Variants in LRRC15 observed in about 807,000 individuals in gnomAD.
LRRC15 encodes the protein leucine-rich repeat-containing protein 15.
A neutral mutation model predicts 4.3 loss-of-function variants in LRRC15; 5 were observed. The ratio of observed to expected loss-of-function variants is 1.16; its 90% CI spans 0.61 to 2.44. The LOEUF (loss-of-function observed/expected upper bound fraction) is 2.44, where lower values mean the gene tolerates loss of function less well. Among genes scored for constraint, LRRC15 ranks in the 30% most tolerant of loss-of-function variants. The probability of loss-of-function intolerance (pLI) is 0.01; values close to 1 mark genes in which losing one functional copy is unlikely to be tolerated. For missense variants in LRRC15, 769 were observed against 747.0 expected, an observed-to-expected ratio of 1.03 and a Z score of -0.34; for synonymous variants, 337 against 323.2, an observed-to-expected ratio of 1.04 and a Z score of -0.46.
Position 194,357,510 on chromosome 3 carries a change from A to T in LRRC15, c.*1788T>A, listed in dbSNP as rs1039270697. The T allele has an allele frequency of 3.3e-5, 5 of 152,210 alleles. No individual in the cohort carries two copies. The highest frequency in any genetic ancestry group is 1.2e-4 in the African/African-American group (5 of 41,450). The allele number at this position is 152,210 out of a possible 1,614,324, so 9.4% of individuals were successfully genotyped here. On this transcript the variant is annotated 3_prime_UTR_variant, in exon 2 of 2. Transcript: ENST00000347624. ...CTGGGCCAGTTGTCCAGAGAAAGACACACGTTGCCATGAGCCTAACTTCTT... is the reference window on the plus strand; with the variant it reads ...CTGGGCCAGTTGTCCAGAGAAAGACTCACGTTGCCATGAGCCTAACTTCTT...
chr3:194,361,248 A>G (rs559695402), intron 1 of LRRC15, among the ~76,000 whole-genome samples: 1 of 152,306 alleles, frequency 6.6e-6, no homozygotes, highest in East Asian at 1.9e-4. Context: ...TGCCCAGGCA[A>G]TTCTCCCTAC....
In LRRC15 at chr3:194,360,399, G is replaced by T; in HGVS notation, c.645C>A (p.Gly215=). The change falls in exon 2 of 2, where the codon GGC becomes GGA. Residue 215 remains glycine (G), a synonymous_variant. Coordinates refer to ENST00000347624, the MANE Select transcript of LRRC15 (RefSeq NM_130830.5). ...GCAGGTTAACAAGCCCATCAAAAGTGCCCATGGGGATATCCGTGAGCCTGT... is the reference window on the plus strand; with the variant it reads ...GCAGGTTAACAAGCCCATCAAAAGTTCCCATGGGGATATCCGTGAGCCTGT... ...YENRLTDIPM[G]TFDGLVNLQE... 5 of 1,614,178 alleles carry T rather than the reference G, an allele frequency of 3.1e-6. No individual in the cohort carries two copies. The highest frequency in any genetic ancestry group is 4.2e-6 in the Non-Finnish European group (5 of 1,180,038).
chr3:194,360,141 A>G lies in LRRC15; in HGVS notation c.903T>C (p.Tyr301=), dbSNP rs775821965. ...PMPNLRELWL[Y]DNHISSLPDN... is the part of the protein sequence containing the mutation. ...CGGGTAGAGAAGAGATGTGGTTGTC[A>G]TAGAGCCAAAGCTCCCGCAGGTTGG... The change falls in exon 2 of 2, where the codon TAT becomes TAC. Residue 301 remains tyrosine, a synonymous_variant. Coordinates refer to ENST00000347624, the MANE Select transcript of LRRC15 (RefSeq NM_130830.5). 2.5e-6 allele frequency: 4 copies of G among 1,614,242 alleles called. No individual in the cohort carries two copies. The highest frequency in any genetic ancestry group is 3.4e-6 in the Non-Finnish European group (4 of 1,180,052).
intron 1 of LRRC15, among the ~76,000 whole-genome samples, chr3:194,365,305 C>T (rs1713744461): frequency 6.6e-6 from 1 of 152,236 alleles, no homozygotes; most frequent in African/African-American, 2.4e-5. Flanking sequence ...CGAACCAGGG[C>T]TCTCGGCTTT....
rs1713447026 is a variant in LRRC15, at chr3:194,356,997, G to C, written c.*2301C>G. ...CCTGTTGGCTCTGGCAAGCCTTGGT[G>C]CATGTCCTCCAGGTGCCACCAATAG... On this transcript the variant is annotated 3_prime_UTR_variant, in exon 2 of 2. Coordinates refer to ENST00000347624, the MANE Select transcript of LRRC15 (RefSeq NM_130830.5). The C allele has an allele frequency of 6.6e-6, 1 of 152,310 alleles. No homozygotes were observed. The highest frequency in any genetic ancestry group is 1.5e-5 in the Non-Finnish European group (1 of 68,092). 9.4% of individuals were successfully genotyped at this position (152,310 alleles called of 1,614,324 possible).
At chr3:194,363,686 C>T (rs1713700233) in intron 1 of LRRC15, among the ~76,000 whole-genome samples, 1 of 152,194 alleles carries the variant, frequency 6.6e-6, no homozygotes, top group African/African-American at 2.4e-5. Context: ...ACCTGTAATG[C>T]TGGGCTCAGT....
rs554543569 is a variant in LRRC15, at chr3:194,368,288, C to T, written c.-4+1373G>A. On this transcript the variant is annotated intron_variant, in intron 1 of 1. Transcript: ENST00000347624. Reference sequence around the variant, plus strand: ...CTCCTCCCCCACCCCTTATTCTCCACGGCTGGATCTATTCTACCTCGCCTC... The same window carrying T: ...CTCCTCCCCCACCCCTTATTCTCCATGGCTGGATCTATTCTACCTCGCCTC... Among the ~76,000 whole-genome samples the T allele has an allele frequency of 1.8e-4, 27 of 152,274 alleles. 1 individual carries two copies. In the South Asian group the frequency reaches 2.3e-3, roughly 13 times the overall value.
rs1454178969 is a variant in LRRC15, at chr3:194,360,155, C to G, written c.889G>C (p.Glu297Gln). 1 of 1,613,766 alleles carries G rather than the reference C, an allele frequency of 6.2e-7. No homozygotes were observed. The highest frequency in any genetic ancestry group is 2.2e-5 in the East Asian group (1 of 44,872). The change falls in exon 2 of 2, where the codon GAG becomes CAG. Residue 297 changes from glutamate (E) to glutamine (Q), a missense_variant. Coordinates refer to ENST00000347624, the MANE Select transcript of LRRC15 (RefSeq NM_130830.5). ...GIFGPMPNLR[E>Q]LWLYDNHISS... ...ATGTGGTTGTCATAGAGCCAAAGCT[C>G]CCGCAGGTTGGGCATGGGCCCGAAG...
chr3:194,360,131 T>A lies in LRRC15; in HGVS notation c.913A>T (p.Ile305Phe), dbSNP rs757623221. The change falls in exon 2 of 2, where the codon ATC becomes TTC. Residue 305 changes from isoleucine (I) to phenylalanine (F), a missense_variant. Coordinates refer to ENST00000347624, the MANE Select transcript of LRRC15 (RefSeq NM_130830.5). Reference sequence around the variant, plus strand: ...AAGACATTGTCGGGTAGAGAAGAGATGTGGTTGTCATAGAGCCAAAGCTCC... The same window carrying A: ...AAGACATTGTCGGGTAGAGAAGAGAAGTGGTTGTCATAGAGCCAAAGCTCC... The part of the protein sequence containing the change: ...LRELWLYDNH[I>F]SSLPDNVFSN... 1.2e-5 allele frequency: 19 copies of A among 1,613,986 alleles called. No individual in the cohort carries two copies. In the African/African-American group the frequency reaches 2.4e-4, roughly 20 times the overall value.
In LRRC15 at chr3:194,359,871, G is replaced by A. The variant is rs1411203660; in HGVS notation, c.1173C>T (p.Leu391=). The change falls in exon 2 of 2, where the codon CTC becomes CTT. Residue 391 remains leucine (L), a synonymous_variant. Transcript: ENST00000347624. ...PGNIFANVNG[L]MAIQLQNNQL... Reference sequence around the variant, plus strand: ...GGTTGTTCTGCAGCTGGATGGCCATGAGGCCATTGACGTTGGCGAAGATAT... The same window carrying A: ...GGTTGTTCTGCAGCTGGATGGCCATAAGGCCATTGACGTTGGCGAAGATAT... 1 of 1,614,134 alleles carries A rather than the reference G, an allele frequency of 6.2e-7. No individual in the cohort carries two copies. Among genetic ancestry groups the A allele is most frequent in the Non-Finnish European group, 8.5e-7 (1 of 1,180,018 alleles).
At chr3:194,367,625 G>A (rs1713819558) in intron 1 of LRRC15, among the ~76,000 whole-genome samples, 1 of 152,192 alleles carries the variant, frequency 6.6e-6, no homozygotes, top group African/African-American at 2.4e-5. Context: ...ATTTGAAACT[G>A]GGACAGCTGC....
At position 194,362,126 on chromosome 3, in the gene LRRC15, C is replaced by CTGTGTGTGTGTGTGTG. The variant is rs151091397; in HGVS notation, c.-3-1081_-3-1080insCACACACACACACACA. 9.1e-4 allele frequency among the ~76,000 whole-genome samples: 138 copies of CTGTGTGTGTGTGTGTG among 151,580 alleles called. 2 individuals are homozygous for CTGTGTGTGTGTGTGTG. The highest frequency in any genetic ancestry group is 3.1e-3 in the African/African-American group (129 of 41,200). ...TCACTGATGACAATGACATATATAA[C>CTGTGTGTGTGTGTGTG]TGTGTGTGTGTATGTGTGTGTGTGT... On this transcript the variant is annotated intron_variant, in intron 1 of 1. Transcript: ENST00000347624.
intron 1 of LRRC15, among the ~76,000 whole-genome samples, chr3:194,364,317 C>T (rs1335166754): frequency 1.3e-5 from 2 of 152,160 alleles, no homozygotes; most frequent in East Asian, 1.9e-4. Flanking sequence ...TGTAAGTGTA[C>T]GTGAGATATT....
intron 1 of LRRC15, among the ~76,000 whole-genome samples, chr3:194,368,971 C>T (rs1032188965): frequency 3.3e-5 from 5 of 152,256 alleles, no homozygotes; most frequent in African/African-American, 1.2e-4. Context: ...GCCGACGCTT[C>T]CAGCAGGAGA....
At chr3:194,365,726 C>T (rs566144700) in intron 1 of LRRC15, among the ~76,000 whole-genome samples, 30 of 152,276 alleles carry the variant, frequency 2.0e-4, no homozygotes, top group African/African-American at 7.0e-4. Context: ...CCGCCCGGCC[C>T]GGCTCCAGCT....
Position 194,359,771 on chromosome 3 carries a change from A to G in LRRC15, c.1273T>C (p.Trp425Arg). The G allele has an allele frequency of 6.2e-7, 1 of 1,614,168 alleles. No individual in the cohort carries two copies. Among genetic ancestry groups the G allele is most frequent in the East Asian group, 2.2e-5 (1 of 44,890 alleles). ...LCELRLYDNP[W>R]RCDSDILPLR... is the part of the protein sequence containing the mutation. Reference sequence around the variant, plus strand: ...GGAAGGATGTCTGAGTCACACCTCCAGGGATTGTCATACAGCCGCAGCTCA... The same window carrying G: ...GGAAGGATGTCTGAGTCACACCTCCGGGGATTGTCATACAGCCGCAGCTCA... Residue 425 changes from tryptophan (W) to arginine (R), a missense_variant, in exon 2 of 2, where the codon TGG becomes CGG. Coordinates refer to ENST00000347624, the MANE Select transcript of LRRC15 (RefSeq NM_130830.5).
chr3:194,360,550 G>A lies in LRRC15; in HGVS notation c.494C>T (p.Pro165Leu), dbSNP rs1228590463. Residue 165 changes from proline to leucine, a missense_variant, in exon 2 of 2, where the codon CCT (proline) becomes CTT (leucine). Pro to Leu is a moderately conservative substitution (Grantham distance 98, BLOSUM62 -3). Coordinates refer to ENST00000347624, the MANE Select transcript of LRRC15 (RefSeq NM_130830.5). ...TACCAGGTGGTCGAAGGCTCCGTCAGGGATGTATTCCAGGTGGTTGCCGTG... is the reference window on the plus strand; with the variant it reads ...TACCAGGTGGTCGAAGGCTCCGTCAAGGATGTATTCCAGGTGGTTGCCGTG... The part of the protein sequence containing the change: ...QLHGNHLEYI[P>L]DGAFDHLVGL... The A allele has an allele frequency of 6.2e-7, 1 of 1,614,160 alleles. No individual in the cohort carries two copies. Among genetic ancestry groups the A allele is most frequent in the Non-Finnish European group, 8.5e-7 (1 of 1,180,024 alleles).
intron 1 of LRRC15, among the ~76,000 whole-genome samples, chr3:194,365,721 C>T (rs1247700507): frequency 5.3e-5 from 8 of 152,158 alleles, no homozygotes; most frequent in Admixed American, 2.6e-4. Flanking sequence ...CAGGGCCGCC[C>T]GGCCCGGCTC....
At chr3:194,367,236 A>T (rs2108660606) in intron 1 of LRRC15, among the ~76,000 whole-genome samples, 1 of 152,340 alleles carries the variant, frequency 6.6e-6, no homozygotes, top group Admixed American at 6.5e-5. Flanking sequence ...CTCAACAACA[A>T]GGCTGGAGAT....
Sources: gnomAD v4.1 joint callset for allele counts (sites outside exome capture counted in the v4.1 genomes callset) on GRCh38, gnomAD v4.1.1 for gene constraint, MANE v1.5 for transcripts, NCBI Gene and HGNC (gene_info 2026-07-23, HGNC 2026-07-21) for gene names.